The following TTC21B variants were observed in gnomAD, a reference collection of about 807,000 sequenced individuals.
TTC21B encodes the protein tetratricopeptide repeat domain 21B.
Under a neutral mutation model 175.1 loss-of-function variants are expected in TTC21B, and 127 were observed. That is an observed-to-expected ratio of 0.73 (90% CI 0.63 to 0.84). TTC21B has a LOEUF of 0.84. Among genes scored for constraint, TTC21B ranks in the 40% least tolerant of loss-of-function variants. TTC21B has a pLI of 0.00. For synonymous variants in TTC21B, 524 were observed against 524.5 expected (o/e 1.00, Z 0.01); for missense variants, 1,561 against 1,558.3 (o/e 1.00, Z -0.03).
intron 6 of TTC21B, among the ~76,000 whole-genome samples, chr2:165,938,681 A>G (rs1687254753): frequency 6.6e-6 from 1 of 152,136 alleles, no homozygotes; most frequent in Non-Finnish European, 1.5e-5. Flanking sequence ...AATGGCAAGA[A>G]GAAAAAGAGA....
chr2:165,898,440 C>G (rs1251598216), intron 22 of TTC21B, among the ~76,000 whole-genome samples: 2 of 152,126 alleles, frequency 1.3e-5, no homozygotes, highest in African/African-American at 4.8e-5. Context: ...TAGTTCGAAT[C>G]AATGAATTCA....
intron 1 of TTC21B, among the ~76,000 whole-genome samples, chr2:165,952,317 T>C (rs1360863197): frequency 6.6e-6 from 1 of 152,166 alleles, no homozygotes; most frequent in Non-Finnish European, 1.5e-5. Context: ...AAAGTTTTAT[T>C]GAAACACAGC....
At chr2:165,880,837 A>ATAT in intron 26 of TTC21B, 38 bp from the exon 27 acceptor site, 18 of 1,602,322 alleles carry the variant, frequency 1.1e-5, no homozygotes, top group Non-Finnish European at 1.5e-5. Context: ...ATTAAACTTG[A>ATAT]TATCACTAAG....
chr2:165,888,401 G>A lies in TTC21B; in HGVS notation c.3337C>T (p.Pro1113Ser), dbSNP rs1283416688. ...TAEKLLKELK[P>S]QTVQGHVQLR... ...TGTACGTGACCCTGAACAGTCTGAG[G>A]TTTTAGTTCCTTAAGAAGTTTTTCT... Residue 1113 changes from proline to serine, a missense_variant, in exon 25 of 29, where the codon CCT becomes TCT. By Grantham distance (74) the Pro-to-Ser change is moderately conservative (BLOSUM62 -1). Transcript: ENST00000243344. 2 of 1,613,758 alleles carry A rather than the reference G, an allele frequency of 1.2e-6. No homozygotes were observed. The highest frequency in any genetic ancestry group is 1.7e-6 in the Non-Finnish European group (2 of 1,179,874).
intron 6 of TTC21B, among the ~76,000 whole-genome samples, chr2:165,935,440 G>A (rs114274894): frequency 4.3e-4 from 66 of 152,240 alleles, no homozygotes; most frequent in African/African-American, 1.4e-3. Flanking sequence ...ATACCAATGC[G>A]GAGAGATTAA....
rs1325508124 is a variant in TTC21B, at chr2:165,953,760, A to C, written c.-55T>G. On this transcript the variant is annotated 5_prime_UTR_variant, in exon 1 of 29. Coordinates refer to ENST00000243344, the MANE Select transcript of TTC21B (RefSeq NM_024753.5). ...TGGGGATTGTCTCGCCGCAGCCTAA[A>C]GGAAGACGCAGAATTCAGCTCCCCT... 2 of 1,546,580 alleles carry C rather than the reference A, an allele frequency of 1.3e-6. No homozygotes were observed. The highest frequency in any genetic ancestry group is 1.7e-6 in the Non-Finnish European group (2 of 1,145,410).
intron 3 of TTC21B, chr2:165,948,413 G>A (rs951045251): frequency 1.3e-5 from 2 of 152,126 alleles, no homozygotes; most frequent in Admixed American, 1.3e-4. Flanking sequence ...ACAGTTTCTT[G>A]AAGAAATTAA....
In TTC21B at chr2:165,895,628, T is replaced by C. The variant is rs73018796; in HGVS notation, c.2950+3058A>G. ...AGAGAAGAGGAATAAGAGAAAACAG[T>C]GTGGAACACAAGGTAGAAATGGCAG... is the stretch of plus-strand genomic sequence containing the variant. On this transcript the variant is annotated intron_variant, in intron 22 of 28. Transcript: ENST00000243344. 9.5e-3 allele frequency among the ~76,000 whole-genome samples: 1,445 copies of C among 152,098 alleles called. 12 individuals are homozygous for C. Among genetic ancestry groups the C allele is most frequent in the African/African-American group, 0.032 (1,326 of 41,480 alleles).
intron 6 of TTC21B, among the ~76,000 whole-genome samples, chr2:165,933,625 C>A (rs141412608): frequency 6.6e-6 from 1 of 152,030 alleles, no homozygotes; most frequent in Non-Finnish European, 1.5e-5. Context: ...AGAACTGAAC[C>A]AAAAAGGTAA....
chr2:165,886,854 T>C (rs971944142), intron 25 of TTC21B, among the ~76,000 whole-genome samples: 2 of 152,202 alleles, frequency 1.3e-5, no homozygotes, highest in Non-Finnish European at 2.9e-5. Context: ...TCCTAGAGAT[T>C]CTCTTAGATG....
intron 22 of TTC21B, 54 bp downstream of exon 22, chr2:165,898,632 A>G: frequency 8.3e-7 from 1 of 1,210,028 alleles, no homozygotes; most frequent in African/African-American, 1.5e-5. Context: ...CAGAAGAAAA[A>G]AGGAGAAAGG....
At position 165,912,603 on chromosome 2, in the gene TTC21B, A is replaced by C; in HGVS notation, c.2233T>G (p.Tyr745Asp). ...ILEPEEAIVA[Y>D]EQALNQNPKD... ...GGGTTCTGATTTAATGCTTGCTCAT[A>C]TGCTACTATGGCTTCTTCAGGCTAA... Residue 745 changes from tyrosine (Y) to aspartate (D), a missense_variant, in exon 17 of 29, where the codon TAT becomes GAT. Physicochemically the swap from Tyr to Asp is radical, Grantham distance 160. Coordinates refer to ENST00000243344, the MANE Select transcript of TTC21B (RefSeq NM_024753.5). The C allele has an allele frequency of 6.2e-7, 1 of 1,614,110 alleles. No homozygotes were observed. Among genetic ancestry groups the C allele is most frequent in the Non-Finnish European group, 8.5e-7 (1 of 1,179,988 alleles).
At chr2:165,912,380 C>A in intron 17 of TTC21B, 134 bp downstream of exon 17, 2 of 762,572 alleles carry the variant, frequency 2.6e-6, no homozygotes, top group Non-Finnish European at 2.3e-6. Flanking sequence ...GCCTTTAACA[C>A]AAATCCCAGT....
intron 20 of TTC21B, among the ~76,000 whole-genome samples, chr2:165,900,094 A>C (rs1685506829): frequency 6.6e-6 from 1 of 151,900 alleles, no homozygotes; most frequent in African/African-American, 2.4e-5. Flanking sequence ...ACAGGTAGTA[A>C]CTCACTTCAA....
intron 22 of TTC21B, among the ~76,000 whole-genome samples, chr2:165,892,345 A>G (rs1685223352): frequency 6.6e-6 from 1 of 152,192 alleles, no homozygotes; most frequent in Non-Finnish European, 1.5e-5. Context: ...CATGTAATTC[A>G]GCAACTTTCC....
chr2:165,937,178 C>G (rs777619757), intron 6 of TTC21B, among the ~76,000 whole-genome samples: 1 of 151,714 alleles, frequency 6.6e-6, no homozygotes, highest in Admixed American at 6.6e-5. Flanking sequence ...ATGAAAGAAG[C>G]CAAGCTGAAA....
chr2:165,929,726 A>T lies in TTC21B; in HGVS notation c.1109T>A (p.Ile370Lys), dbSNP rs1192441930. 1.2e-6 allele frequency: 2 copies of T among 1,611,928 alleles called. No homozygotes were observed. The highest frequency in any genetic ancestry group is 1.7e-6 in the Non-Finnish European group (2 of 1,178,762). ...ATCTGCATCCTGTAATTGCCCTTCT[A>T]TCAACTGACATTGGATAAATCCTAA... ...ALVGFIQCQL[I>K]EGQLQDADQQ... Residue 370 changes from isoleucine (I) to lysine (K), a missense_variant, in exon 10 of 29, where the codon ATA becomes AAA. Coordinates refer to ENST00000243344, the MANE Select transcript of TTC21B (RefSeq NM_024753.5).
chr2:165,926,543 T>C (rs1574114124), intron 11 of TTC21B, among the ~76,000 whole-genome samples: 1 of 152,262 alleles, frequency 6.6e-6, no homozygotes, highest in Admixed American at 6.5e-5. Flanking sequence ...TCCCATTGTC[T>C]GAAACACTCT....
rs1460417344 is a variant in TTC21B, at chr2:165,873,480, G to A, written c.*1275C>T. The stretch of plus-strand genomic sequence containing the variant: ...AATTAAAAATAATGCTAAGGATTAA[G>A]TTTAGATTAGGTTAAATTTAGTGTA... On this transcript the variant is annotated 3_prime_UTR_variant, in exon 29 of 29. Transcript: ENST00000243344. 6.6e-6 allele frequency: 1 copy of A among 152,202 alleles called. No individual in the cohort carries two copies. The highest frequency in any genetic ancestry group is 1.5e-5 in the Non-Finnish European group (1 of 68,044). The allele number at this position is 152,202 out of a possible 1,614,324, so 9.4% of individuals were successfully genotyped here. A position where few individuals can be genotyped will look rare whatever the true frequency, so the allele number is the denominator to read the frequency against.
Sources: gnomAD v4.1 joint callset for allele counts (sites outside exome capture counted in the v4.1 genomes callset) on GRCh38, gnomAD v4.1.1 for gene constraint, MANE v1.5 for transcripts, NCBI Gene and HGNC (gene_info 2026-07-23, HGNC 2026-07-21) for gene names.